ATOSA: variants seen among roughly 807,000 people sequenced by gnomAD.
ATOSA encodes atos homolog protein A.
chr15:52,608,476 C>T, the ATOSA span: 172 of 1,286,558 alleles, frequency 1.3e-4, no homozygotes, highest in Non-Finnish European at 1.8e-4. Flanking sequence ...GATAATGGAA[C>T]CTTGGGCCTT....
At chr15:52,633,252 G>T in the ATOSA span, among the ~76,000 whole-genome samples, 1 of 152,166 alleles carries the variant, frequency 6.6e-6, no homozygotes. Context: ...AAGGCTGGTG[G>T]GGTGGCTAAT....
chr15:52,624,984 G>T, the ATOSA span, among the ~76,000 whole-genome samples: 1 of 151,872 alleles, frequency 6.6e-6, no homozygotes, highest in African/African-American at 2.4e-5. Flanking sequence ...TTACCATGTT[G>T]GTCAGGCTGG....
the ATOSA span, among the ~76,000 whole-genome samples, chr15:52,681,672 C>CTCTT: frequency 6.6e-6 from 1 of 152,158 alleles, no homozygotes; most frequent in Admixed American, 6.5e-5. Flanking sequence ...GAACCTTACC[C>CTCTT]TCTTTTCATC....
At chr15:52,616,908 T>C in the ATOSA span, among the ~76,000 whole-genome samples, 1 of 152,198 alleles carries the variant, frequency 6.6e-6, no homozygotes, top group African/African-American at 2.4e-5. Flanking sequence ...ATAAACCTAC[T>C]GAGACAGAAC....
the ATOSA span, among the ~76,000 whole-genome samples, chr15:52,634,732 C>G: frequency 6.6e-6 from 1 of 151,664 alleles, no homozygotes; most frequent in Admixed American, 6.6e-5. Context: ...CTCCCGAGCA[C>G]CTGGGATTAC....
chr15:52,589,945 G>A, the ATOSA span, among the ~76,000 whole-genome samples: 2 of 151,902 alleles, frequency 1.3e-5, no homozygotes, highest in Admixed American at 6.6e-5. Flanking sequence ...CCACCATCAC[G>A]CCCAGCTAAT....
chr15:52,643,355 A>G, the ATOSA span, among the ~76,000 whole-genome samples: 43 of 152,188 alleles, frequency 2.8e-4, no homozygotes, highest in African/African-American at 1.0e-3. Context: ...ACAGTGGCAC[A>G]ATCATACCTC....
At chr15:52,634,049 AAAAAC>A in the ATOSA span, among the ~76,000 whole-genome samples, 1 of 152,154 alleles carries the variant, frequency 6.6e-6, no homozygotes, top group Non-Finnish European at 1.5e-5. Flanking sequence ...ACTAGTAGTA[AAAAAC>A]AAAACAAAAC....
chr15:52,669,779 G>A, the ATOSA span, among the ~76,000 whole-genome samples: 2 of 152,194 alleles, frequency 1.3e-5, no homozygotes, highest in Non-Finnish European at 2.9e-5. Context: ...TCCCAGAAGA[G>A]TCTACCAAAG....
chr15:52,604,782 C>G, the ATOSA span, among the ~76,000 whole-genome samples: 1 of 151,956 alleles, frequency 6.6e-6, no homozygotes, highest in Non-Finnish European at 1.5e-5. Flanking sequence ...GAAGGGATTC[C>G]AAATCAAAAA....
the ATOSA span, among the ~76,000 whole-genome samples, chr15:52,703,168 G>A: frequency 3.0e-3 from 459 of 152,248 alleles, 13 homozygotes; most frequent in Admixed American, 0.024. Flanking sequence ...CACATGGTTC[G>A]ATTTTTATAT....
At chr15:52,604,153 G>T in the ATOSA span, among the ~76,000 whole-genome samples, 1 of 152,162 alleles carries the variant, frequency 6.6e-6, no homozygotes, top group African/African-American at 2.4e-5. Context: ...CGGGCGCCGT[G>T]GCCCACGCCT....
the ATOSA span, among the ~76,000 whole-genome samples, chr15:52,592,499 T>C: frequency 6.6e-6 from 1 of 152,174 alleles, no homozygotes; most frequent in African/African-American, 2.4e-5. Flanking sequence ...CCACAAGCCA[T>C]TGGAATAAAA....
the ATOSA span, among the ~76,000 whole-genome samples, chr15:52,607,579 C>CA: frequency 1.3e-5 from 2 of 152,232 alleles, no homozygotes; most frequent in Non-Finnish European, 2.9e-5. Context: ...ACTGGTATGT[C>CA]ATTCTCTTTG....
the ATOSA span, among the ~76,000 whole-genome samples, chr15:52,610,559 T>C: frequency 4.6e-5 from 7 of 152,250 alleles, no homozygotes; most frequent in South Asian, 2.1e-4. Flanking sequence ...CCAATGTAAG[T>C]GATATAATAG....
chr15:52,650,535 G>T, the ATOSA span, among the ~76,000 whole-genome samples: 1 of 152,156 alleles, frequency 6.6e-6, no homozygotes, highest in East Asian at 1.9e-4. Context: ...ACAAAGATCA[G>T]CAAAGGGCAC....
the ATOSA span, among the ~76,000 whole-genome samples, chr15:52,704,405 A>G: frequency 6.6e-6 from 1 of 152,208 alleles, no homozygotes; most frequent in Non-Finnish European, 1.5e-5. Context: ...TAAAAACCCT[A>G]GAAGAAAACC....
chr15:52,639,461 G>C, the ATOSA span, among the ~76,000 whole-genome samples: 4 of 152,170 alleles, frequency 2.6e-5, no homozygotes, highest in African/African-American at 9.7e-5. Flanking sequence ...GCCAGAATAA[G>C]AGTATCTAGT....
chr15:52,692,819 A>G, the ATOSA span, among the ~76,000 whole-genome samples: 7 of 91,646 alleles, frequency 7.6e-5, no homozygotes, highest in Non-Finnish European at 1.3e-4. Context: ...GCTATAGCAC[A>G]GGGCCTTTTT....
Sources: allele counts gnomAD v4.1 joint callset (sites outside exome capture counted in the v4.1 genomes callset), GRCh38; gene constraint gnomAD v4.1.1; transcripts MANE v1.5; gene names NCBI Gene and HGNC (gene_info 2026-07-23, HGNC 2026-07-21).